HNF1B: variants seen among roughly 807,000 people sequenced by gnomAD.
HNF1B encodes hepatocyte nuclear factor 1-beta.
A neutral mutation model predicts 61.7 loss-of-function variants in HNF1B; 8 were observed. The observed-to-expected ratio is 0.13, with a 90% confidence interval of 0.08 to 0.23. The LOEUF is 0.23. Among genes scored for constraint, HNF1B ranks in the 10% least tolerant of loss-of-function variants. The pLI is 1.00. For missense variants in HNF1B, 562 were observed against 714.5 expected (o/e 0.79, Z 2.43); for synonymous variants, 314 against 287.7 (o/e 1.09, Z -0.93).
chr17:37,692,024 G>T (rs2032220689), intron 8 of HNF1B, among the ~76,000 whole-genome samples: 1 of 152,218 alleles, frequency 6.6e-6, no homozygotes, highest in African/African-American at 2.4e-5. Flanking sequence ...TGAGGTCAGT[G>T]GTTGCTGTGG....
At chr17:37,693,022 C>T (rs1201457017) in intron 8 of HNF1B, among the ~76,000 whole-genome samples, 2 of 151,852 alleles carry the variant, frequency 1.3e-5, no homozygotes, top group Non-Finnish European at 2.9e-5. Context: ...AACCCCGTCT[C>T]TACTAAAAAT....
At chr17:37,733,495 G>A in intron 3 of HNF1B, 62 bp downstream of exon 3, 2 of 1,587,582 alleles carry the variant, frequency 1.3e-6, no homozygotes, top group South Asian at 2.2e-5. Flanking sequence ...CCAGGACCGA[G>A]GGGAGGGTTC....
At chr17:37,710,359 T>G in intron 5 of HNF1B, 144 bp downstream of exon 5, 4 of 1,081,308 alleles carry the variant, frequency 3.7e-6, no homozygotes, top group Non-Finnish European at 2.8e-6. Context: ...CAGCACTACC[T>G]CTCCTTTCCG....
chr17:37,713,269 G>A, intron 4 of HNF1B, among the ~76,000 whole-genome samples: 1 of 152,150 alleles, frequency 6.6e-6, no homozygotes, highest in Non-Finnish European at 1.5e-5. Context: ...TATTTAATTT[G>A]GCTGATGGAA....
Position 37,731,787 on chromosome 17 carries a change from C to T in HNF1B, c.853G>A (p.Gly285Ser), listed in dbSNP as rs914046953. 14 of 1,559,846 alleles carry T rather than the reference C, an allele frequency of 9.0e-6. No individual in the cohort carries two copies. Among genetic ancestry groups the T allele is most frequent in the African/African-American group, 1.4e-5 (1 of 72,202 alleles). ...QRGVSPSKAH[G>S]LGSNLVTEVR... is the part of the protein sequence containing the mutation. ...TCAGTGACCAAGTTGGAGCCCAGGC[C>T]GTGGGCTTTGGAGGGGGACACCCCT... Residue 285 changes from glycine to serine, a missense_variant, in exon 4 of 9, where the codon GGC (glycine) becomes AGC (serine). Coordinates refer to ENST00000617811, the MANE Select transcript of HNF1B (RefSeq NM_000458.4).
intron 8 of HNF1B, 30 bp downstream of exon 8, chr17:37,699,046 C>T (rs1214661292): frequency 6.5e-7 from 1 of 1,535,694 alleles, no homozygotes; most frequent in Non-Finnish European, 9.0e-7. Flanking sequence ...CTGCCCACAC[C>T]CCAACCCCCG....
At chr17:37,717,356 C>T (rs2033158889) in intron 4 of HNF1B, among the ~76,000 whole-genome samples, 1 of 152,222 alleles carries the variant, frequency 6.6e-6, no homozygotes, top group South Asian at 2.1e-4. Flanking sequence ...CTGGCTGGGG[C>T]TCTGTCACAC....
chr17:37,738,387 C>A (rs920798375), intron 2 of HNF1B, among the ~76,000 whole-genome samples: 3 of 152,188 alleles, frequency 2.0e-5, no homozygotes, highest in Non-Finnish European at 2.9e-5. Flanking sequence ...GAAACAATCA[C>A]TTCAGAGCAG....
intron 1 of HNF1B, among the ~76,000 whole-genome samples, chr17:37,742,493 G>A (rs2034023542): frequency 6.6e-6 from 1 of 152,206 alleles, no homozygotes; most frequent in Non-Finnish European, 1.5e-5. Context: ...GGAGCCCCCT[G>A]TGCAGTGACC....
chr17:37,742,699 G>A (rs1277900043), intron 1 of HNF1B, among the ~76,000 whole-genome samples: 1 of 151,930 alleles, frequency 6.6e-6, no homozygotes, highest in Non-Finnish European at 1.5e-5. Context: ...TTTGGGGAGG[G>A]AAGAGCGGGG....
chr17:37,705,209 C>T (rs2032704009), intron 5 of HNF1B, among the ~76,000 whole-genome samples, 160 bp from the exon 6 acceptor site: 1 of 152,186 alleles, frequency 6.6e-6, no homozygotes, highest in African/African-American at 2.4e-5. Context: ...GTGCTTCACC[C>T]CTGTAATCCC....
chr17:37,707,622 A>G (rs1008969688), intron 5 of HNF1B, among the ~76,000 whole-genome samples: 1 of 152,122 alleles, frequency 6.6e-6, no homozygotes, highest in Non-Finnish European at 1.5e-5. Flanking sequence ...AGGATACTGA[A>G]ATTTAGAGAA....
At chr17:37,703,617 A>G (rs2032642862) in intron 6 of HNF1B, among the ~76,000 whole-genome samples, 1 of 152,186 alleles carries the variant, frequency 6.6e-6, no homozygotes, top group African/African-American at 2.4e-5. Context: ...TATAATTACC[A>G]TATTCCATAT....
At chr17:37,703,493 T>C (rs2032638536) in intron 6 of HNF1B, among the ~76,000 whole-genome samples, 1 of 152,170 alleles carries the variant, frequency 6.6e-6, no homozygotes, top group Non-Finnish European at 1.5e-5. Flanking sequence ...TTGTTTATTA[T>C]TTTGGTTGCA....
chr17:37,737,430 G>A (rs1176929680), intron 2 of HNF1B, among the ~76,000 whole-genome samples: 1 of 152,174 alleles, frequency 6.6e-6, no homozygotes, highest in African/African-American at 2.4e-5. Context: ...AAGAACCTAT[G>A]TATTCCATAG....
At chr17:37,703,726 C>G (rs1246019217) in intron 6 of HNF1B, among the ~76,000 whole-genome samples, 1 of 152,150 alleles carries the variant, frequency 6.6e-6, no homozygotes, top group Non-Finnish European at 1.5e-5. Flanking sequence ...CTGCCAAAAT[C>G]AATGCACTGT....
Position 37,739,486 on chromosome 17 carries a change from G to A in HNF1B, c.498C>T (p.Ala166=), listed in dbSNP as rs767651202. The A allele has an allele frequency of 1.9e-5, 30 of 1,613,982 alleles. No homozygotes were observed. Among genetic ancestry groups the A allele is most frequent in the African/African-American group, 1.1e-4 (8 of 74,892 alleles). ...TTCTGACGTACCAGGTGTACAGAGC[G>A]GCACGCTTCTGGGTCTTCATAGGGG... ...KGTPMKTQKR[A]ALYTWYVRKQ... is the part of the protein sequence containing the mutation. Residue 166 remains alanine (A), a synonymous_variant, in exon 2 of 9, where the codon GCC becomes GCT. Coordinates refer to ENST00000617811, the MANE Select transcript of HNF1B (RefSeq NM_000458.4).
At chr17:37,741,173 C>T (rs986092270) in intron 1 of HNF1B, among the ~76,000 whole-genome samples, 3 of 152,050 alleles carry the variant, frequency 2.0e-5, no homozygotes, top group Admixed American at 2.0e-4. Flanking sequence ...AGCATTGCAA[C>T]ATAATAAGCA....
intron 5 of HNF1B, among the ~76,000 whole-genome samples, 171 bp downstream of exon 5, chr17:37,710,332 G>A (rs948685210): frequency 1.3e-5 from 2 of 152,178 alleles, no homozygotes; most frequent in African/African-American, 2.4e-5. Context: ...TCTTCTACCC[G>A]CCAAAGGCTG....
Sources: allele counts gnomAD v4.1 joint callset (sites outside exome capture counted in the v4.1 genomes callset), GRCh38; gene constraint gnomAD v4.1.1; transcripts MANE v1.5; gene names NCBI Gene and HGNC (gene_info 2026-07-23, HGNC 2026-07-21).